Variants in SNX31 observed in about 807,000 individuals in gnomAD.
The protein encoded by SNX31 is sorting nexin-31.
In SNX31, 58 loss-of-function variants were observed where a neutral mutation model predicts 65.4. That is an observed-to-expected ratio of 0.89 (90% CI 0.72 to 1.10). The LOEUF is 1.10. Among genes scored for constraint, SNX31 ranks in the 50% least tolerant of loss-of-function variants. The pLI is 0.00. For missense variants in SNX31, 523 were observed against 529.7 expected (o/e 0.99, Z 0.12); for synonymous variants, 181 against 190.1 (o/e 0.95, Z 0.39).
At chr8:100,619,253 G>T (rs1817504982) in intron 4 of SNX31, 1 of 152,334 alleles carries the variant, frequency 6.6e-6, no homozygotes, top group African/African-American at 2.4e-5. Context: ...AATTGGTTTT[G>T]TATTATGCCA....
chr8:100,611,944 G>T, intron 7 of SNX31, 56 bp downstream of exon 7: 1 of 1,356,746 alleles, frequency 7.4e-7, no homozygotes, highest in Non-Finnish European at 1.1e-6. Flanking sequence ...GGTAAGTCCT[G>T]ATGGGCAATG....
At chr8:100,618,604 C>T (rs984849240) in intron 4 of SNX31, 5 of 530,306 alleles carry the variant, frequency 9.4e-6, no homozygotes, top group African/African-American at 7.7e-5. Context: ...CACATTTCTG[C>T]CCAGCTGACT....
rs755826298 is a variant in SNX31, at chr8:100,614,438, CCTT to C, written c.433-1356_433-1354del. On this transcript the variant is annotated intron_variant, in intron 5 of 13. Coordinates refer to ENST00000311812, the MANE Select transcript of SNX31 (RefSeq NM_152628.4). This position sits in a 1 kb window ranked among gnomAD's most constrained non-coding sequence, Gnocchi z 5.1. The stretch of plus-strand genomic sequence containing the variant: ...ATTCATAAAGACATAAATATAAACA[CCTT>C]CTTTTGAGAGGAGTGAGCATCAGCA... Among the ~76,000 whole-genome samples, 1 of 152,152 alleles carries C rather than the reference CCTT, an allele frequency of 6.6e-6. No homozygotes were observed. Among genetic ancestry groups the C allele is most frequent in the Non-Finnish European group, 1.5e-5 (1 of 68,008 alleles).
upstream of SNX31, among the ~76,000 whole-genome samples, chr8:100,653,505 C>T (rs1215104061): frequency 6.6e-6 from 1 of 152,210 alleles, no homozygotes; most frequent in Non-Finnish European, 1.5e-5. Flanking sequence ...GAGAAGGCCA[C>T]ATGAAGACGA....
chr8:100,620,329 C>T (rs547629051), intron 4 of SNX31, among the ~76,000 whole-genome samples: 1 of 152,362 alleles, frequency 6.6e-6, no homozygotes, highest in East Asian at 1.9e-4. Context: ...GCAGTCTTCA[C>T]AGGGACCTGG....
At position 100,604,466 on chromosome 8, in the gene SNX31, T is replaced by C. The variant is rs911874275; in HGVS notation, c.682-4025A>G. On this transcript the variant is annotated intron_variant, in intron 8 of 13. Transcript: ENST00000311812. The surrounding 1 kb of genome is among the most constrained non-coding windows in gnomAD (Gnocchi z 4.3). ...GGTGGAGAAGGGCAAGGGACGTGTGTGCCTGGACAAGGTCACCAGGCCATA... is the reference window on the plus strand; with the variant it reads ...GGTGGAGAAGGGCAAGGGACGTGTGCGCCTGGACAAGGTCACCAGGCCATA... Among the ~76,000 whole-genome samples, 1 of 152,154 alleles carries C rather than the reference T, an allele frequency of 6.6e-6. No homozygotes were observed. The highest frequency in any genetic ancestry group is 1.5e-5 in the Non-Finnish European group (1 of 68,010).
intron 2 of SNX31, among the ~76,000 whole-genome samples, chr8:100,641,893 G>A (rs1402690768): frequency 2.2e-4 from 33 of 150,790 alleles, no homozygotes; most frequent in Non-Finnish European, 3.5e-4. Context: ...CCTGGCTAAC[G>A]CGGTGAAACC....
intron 8 of SNX31, among the ~76,000 whole-genome samples, chr8:100,605,656 G>A (rs1816083610): frequency 1.3e-5 from 2 of 152,192 alleles, no homozygotes; most frequent in South Asian, 4.1e-4. Context: ...GTCAGAGCAA[G>A]GGACAGAATT....
Position 100,612,110 on chromosome 8 carries a change from C to T in SNX31, c.524-23G>A, listed in dbSNP as rs1262946819. The T allele has an allele frequency of 1.3e-6, 2 of 1,556,474 alleles. No individual in the cohort carries two copies. Among genetic ancestry groups the T allele is most frequent in the African/African-American group, 2.7e-5 (2 of 73,662 alleles). ...CAACTAGAGAAAGGAGAAAGCCGGT[C>T]TTACTGGTTGAAACAGCACAGACAG... On this transcript the variant is annotated intron_variant, in intron 6 of 13. Coordinates refer to ENST00000311812, the MANE Select transcript of SNX31 (RefSeq NM_152628.4). The surrounding 1 kb of genome is among the most constrained non-coding windows in gnomAD (Gnocchi z 4.3).
intron 2 of SNX31, among the ~76,000 whole-genome samples, chr8:100,644,975 GT>G (rs1311767279): frequency 6.6e-6 from 1 of 152,208 alleles, no homozygotes; most frequent in Non-Finnish European, 1.5e-5. Flanking sequence ...CCCAGGTCCA[GT>G]TTTTATGCAT....
At position 100,630,354 on chromosome 8, in the gene SNX31, G is replaced by C. The variant is rs1255955211; in HGVS notation, c.294C>G (p.Phe98Leu). 1 of 1,613,316 alleles carries C rather than the reference G, an allele frequency of 6.2e-7. No individual in the cohort carries two copies. The highest frequency in any genetic ancestry group is 1.3e-5 in the African/African-American group (1 of 74,984). The change falls in exon 4 of 14, where the codon TTC becomes TTG. Residue 98 changes from phenylalanine to leucine, a missense_variant. Transcript: ENST00000311812. This position sits in a 1 kb window ranked among gnomAD's most constrained non-coding sequence, Gnocchi z 5.3. The stretch of plus-strand genomic sequence containing the variant: ...GCTGCGCCAGTTTTAAAAACTCAAC[G>C]AAGACATCACTTCTCAACACGTTTG... ...MDPNVLRSDV[F>L]VEFLKLAQLN...
At chr8:100,607,582 C>A (rs1292780253) in intron 8 of SNX31, among the ~76,000 whole-genome samples, 1 of 152,048 alleles carries the variant, frequency 6.6e-6, no homozygotes, top group Non-Finnish European at 1.5e-5. Flanking sequence ...TGAAGAAGAC[C>A]TAGTATTTGC....
chr8:100,623,043 C>T (rs561564706), intron 4 of SNX31, among the ~76,000 whole-genome samples: 49 of 152,280 alleles, frequency 3.2e-4, no homozygotes, highest in African/African-American at 1.2e-3. Context: ...TAAAGAAATA[C>T]CTGAGACTCG....
rs1460515374 is a variant in SNX31 at position 100,618,127 on chromosome 8, T to C, written c.322-397A>G. ...GCGAACAATCCACAGCTTCCTTTTT[T>C]GGTGCTCTTCTAGCATATGGTACCC... is the stretch of plus-strand genomic sequence containing the variant. On this transcript the variant is annotated intron_variant, in intron 4 of 13. Transcript: ENST00000311812. 7 of 985,292 alleles carry C rather than the reference T, an allele frequency of 7.1e-6. No homozygotes were observed. In the East Asian group the frequency reaches 7.9e-4, roughly 112 times the overall value. 61.0% of individuals were successfully genotyped at this position (985,292 alleles called of 1,614,324 possible).
At chr8:100,599,574 G>C (rs983589668) in intron 9 of SNX31, among the ~76,000 whole-genome samples, 7 of 151,664 alleles carry the variant, frequency 4.6e-5, no homozygotes, top group African/African-American at 1.7e-4. Context: ...AAATCTCAAA[G>C]GTCTGAGCCT....
chr8:100,655,469 G>T (rs890092657), intron 1 of SNX31, among the ~76,000 whole-genome samples: 1 of 152,100 alleles, frequency 6.6e-6, no homozygotes, highest in Non-Finnish European at 1.5e-5. Context: ...TACTGTTCTC[G>T]TGGTGGTGAA....
At chr8:100,590,541 G>A (rs10092652) in intron 10 of SNX31, among the ~76,000 whole-genome samples, 2,562 of 152,328 alleles carry the variant, frequency 0.017, 25 homozygotes, top group Non-Finnish European at 0.028. Flanking sequence ...CAGTTTGGGA[G>A]GCTGAGGCAG....
chr8:100,606,565 C>G (rs1334517150), intron 8 of SNX31, among the ~76,000 whole-genome samples: 1 of 152,148 alleles, frequency 6.6e-6, no homozygotes, highest in Non-Finnish European at 1.5e-5. Flanking sequence ...TAACAAAATC[C>G]ACCCATTGAC....
chr8:100,589,098 C>T (rs113165547), intron 10 of SNX31, 119 bp from the exon 11 acceptor site: 218 of 626,060 alleles, frequency 3.5e-4, no homozygotes, highest in African/African-American at 2.5e-3. Context: ...GTCAGGAGTT[C>T]GAGACCATCC....
Sources: gnomAD v4.1 joint callset for allele counts (sites outside exome capture counted in the v4.1 genomes callset) on GRCh38, gnomAD v4.1.1 for gene constraint, Gnocchi (gnomAD v3.1) non-coding constraint, MANE v1.5 for transcripts, NCBI Gene and HGNC (gene_info 2026-07-23, HGNC 2026-07-21) for gene names.